COL2A1: variants seen among roughly 807,000 people sequenced by gnomAD.
COL2A1 encodes the protein collagen alpha-1(II) chain.
In COL2A1, 28 loss-of-function variants were observed where a neutral mutation model predicts 204.5. The ratio of observed to expected loss-of-function variants is 0.14; its 90% confidence interval spans 0.10 to 0.19. The LOEUF (loss-of-function observed/expected upper bound fraction) is 0.19. Among genes scored for constraint, COL2A1 ranks in the 10% least tolerant of loss-of-function variants. The pLI is 1.00. For synonymous variants in COL2A1, 708 were observed against 718.7 expected (o/e 0.99, Z 0.24); for missense variants, 1,388 against 2,027.5 (o/e 0.68, Z 6.06).
intron 25 of COL2A1, 51 bp from the exon 26 acceptor site, chr12:47,985,638 T>G (rs1316955843): frequency 2.5e-6 from 4 of 1,609,552 alleles, no homozygotes; most frequent in Non-Finnish European, 3.4e-6. Context: ...CCCCAGGACC[T>G]CCCAATCCTG....
intron 26 of COL2A1, 100 bp downstream of exon 26, chr12:47,985,434 G>A (rs1939339903): frequency 8.1e-7 from 1 of 1,230,228 alleles, no homozygotes; most frequent in Non-Finnish European, 1.2e-6. Context: ...AAAATTCACA[G>A]TACTTCAGGC....
intron 34 of COL2A1, 99 bp downstream of exon 34, chr12:47,982,403 C>T (rs1205441305): frequency 1.0e-5 from 11 of 1,057,332 alleles, no homozygotes; most frequent in Non-Finnish European, 1.5e-5. Flanking sequence ...TAACAGAAAC[C>T]TTCATCACCA....
chr12:47,982,874 C>T lies in COL2A1; in HGVS notation c.2167G>A (p.Gly723Ser), dbSNP rs1939173389. The change falls in exon 33 of 54, where the codon GGC becomes AGC. Residue 723 changes from glycine to serine, a missense_variant. By Grantham distance (56) the Gly-to-Ser change is moderately conservative. Transcript: ENST00000380518. ...QGLQGPRGLP[G>S]TPGTDGPKGA... is the part of the protein sequence containing the mutation. ...TTGGGACCATCAGTGCCAGGAGTGC[C>T]GGGGAGGCCACGGGGACCCTGGAGG... is the stretch of plus-strand genomic sequence containing the variant. 3 of 1,612,448 alleles carry T rather than the reference C, an allele frequency of 1.9e-6. No individual in the cohort carries two copies. Among genetic ancestry groups the T allele is most frequent in the Non-Finnish European group, 2.5e-6 (3 of 1,179,864 alleles).
Position 47,975,001 on chromosome 12 carries a change from G to C in COL2A1, c.3887-139C>G, listed in dbSNP as rs890604831. 20 of 910,888 alleles carry C rather than the reference G, an allele frequency of 2.2e-5. No individual in the cohort carries two copies. The African/African-American group carries it at 2.7e-4, about 12-fold the overall frequency. 56.4% of individuals were successfully genotyped at this position (910,888 alleles called of 1,614,324 possible). On this transcript the variant is annotated intron_variant, in intron 51 of 53. Coordinates refer to ENST00000380518, the MANE Select transcript of COL2A1 (RefSeq NM_001844.5). ...GGTTCACATGTGGCCTGAAAGGAGG[G>C]GGACCTGGGAGGATGCAGGGGCAGG...
At chr12:47,984,449 G>T in intron 28 of COL2A1, 97 bp downstream of exon 28, 2 of 1,259,744 alleles carry the variant, frequency 1.6e-6, no homozygotes, top group Non-Finnish European at 2.3e-6. Flanking sequence ...TCAATACTGA[G>T]GGGTCCCGGG....
rs1938699166 is a variant in COL2A1, at chr12:47,976,209, A to C, written c.3490-139T>G. The C allele has an allele frequency of 2.7e-6, 2 of 754,172 alleles. No homozygotes were observed. The highest frequency in any genetic ancestry group is 4.8e-6 in the Non-Finnish European group (2 of 415,818). The allele number at this position is 754,172 out of a possible 1,614,324, so 46.7% of individuals were successfully genotyped here. A position where few individuals can be genotyped will look rare whatever the true frequency, so the allele number is the denominator to read the frequency against. On this transcript the variant is annotated intron_variant, in intron 49 of 53. Transcript: ENST00000380518. This position sits in a 1 kb window ranked among gnomAD's most constrained non-coding sequence, Gnocchi z 4.3. ...TTCACATGCTCAGTCATGGAACCCT[A>C]AGTTGGTCTCTATTTGGCCAAGAAC...
Position 47,974,317 on chromosome 12 carries a change from A to G in COL2A1, c.4089T>C (p.Asp1363=), listed in dbSNP as rs754647680. The change falls in exon 53 of 54, where the codon GAT becomes GAC. Residue 1363 remains aspartate (D), a synonymous_variant. Transcript: ENST00000380518. ...INGGFHFSYG[D]DNLAPNTANV... Reference sequence around the variant, plus strand: ...TGGCAGTGTTGGGAGCCAGATTGTCATCTCCATAGCTGAACTGTTGGGGCA... The same window carrying G: ...TGGCAGTGTTGGGAGCCAGATTGTCGTCTCCATAGCTGAACTGTTGGGGCA... The G allele has an allele frequency of 6.2e-7, 1 of 1,614,064 alleles. No individual in the cohort carries two copies. The highest frequency in any genetic ancestry group is 1.3e-5 in the African/African-American group (1 of 75,046).
intron 14 of COL2A1, 102 bp from the exon 15 acceptor site, chr12:47,993,604 T>C (rs1939809184): frequency 3.4e-6 from 4 of 1,176,642 alleles, no homozygotes; most frequent in Non-Finnish European, 5.1e-6. Context: ...CAGCTCGCAC[T>C]GACACAAACT....
Position 47,998,175 on chromosome 12 carries a change from G to C in COL2A1, c.336C>G (p.Ile112Met). The change falls in exon 4 of 54, where the codon ATC becomes ATG. Residue 112 changes from isoleucine (I) to methionine (M), a missense_variant. Physicochemically the swap from Ile to Met is conservative, Grantham distance 10 (BLOSUM62 1). Transcript: ENST00000380518. ...GAGAATAATTTGCACTTACATCCTT[G>C]ATGTCTCCAGGTTCTCCTTTCTGTC... ...PKGQKGEPGD[I>M]KDIVGPKGPP... The C allele has an allele frequency of 6.2e-7, 1 of 1,614,162 alleles. No individual in the cohort carries two copies. The highest frequency in any genetic ancestry group is 8.5e-7 in the Non-Finnish European group (1 of 1,180,024).
rs192120085 is a variant in COL2A1, at chr12:47,975,735, G to A, written c.3598-130C>T. The A allele has an allele frequency of 4.2e-4, 421 of 1,004,238 alleles. 3 individuals are homozygous for A. The African/African-American group carries it at 6.1e-3, about 15-fold the overall frequency. The allele number at this position is 1,004,238 out of a possible 1,614,324, so 62.2% of individuals were successfully genotyped here. A position where few individuals can be genotyped will look rare whatever the true frequency, so the allele number is the denominator to read the frequency against. On this transcript the variant is annotated intron_variant, in intron 50 of 53. Coordinates refer to ENST00000380518, the MANE Select transcript of COL2A1 (RefSeq NM_001844.5). ...TGGGTGGGGCGGAGGTGTAGCAGGCGAGGACCAAGGAAACCACAGCACCAT... is the reference window on the plus strand; with the variant it reads ...TGGGTGGGGCGGAGGTGTAGCAGGCAAGGACCAAGGAAACCACAGCACCAT...
chr12:47,973,645 A>G lies in COL2A1; in HGVS notation c.4318-92T>C, dbSNP rs7310398. ...AAGCCCAAAACTGAACAAACTGGCG[A>G]GCATCAGAGCCCACAAGGTTGAACC... On this transcript the variant is annotated intron_variant, in intron 53 of 53. Transcript: ENST00000380518. 7 of 1,481,880 alleles carry G rather than the reference A, an allele frequency of 4.7e-6. No homozygotes were observed. The African/African-American group carries it at 9.7e-5, about 21-fold the overall frequency. 91.8% of individuals were successfully genotyped at this position (1,481,880 alleles called of 1,614,324 possible).
Position 47,980,150 on chromosome 12 carries a change from G to A in COL2A1, c.2626-88C>T, listed in dbSNP as rs1644768900. 1.4e-5 allele frequency: 17 copies of A among 1,242,450 alleles called. No individual in the cohort carries two copies. The highest frequency in any genetic ancestry group is 1.8e-5 in the Non-Finnish European group (16 of 867,396). The allele number at this position is 1,242,450 out of a possible 1,614,324, so 77.0% of individuals were successfully genotyped here. A position where few individuals can be genotyped will look rare whatever the true frequency, so the allele number is the denominator to read the frequency against. On this transcript the variant is annotated intron_variant, in intron 39 of 53. Transcript: ENST00000380518. The surrounding 1 kb of genome is among the most constrained non-coding windows in gnomAD (Gnocchi z 4.5). ...TGAGCCCCAACAATGGACCCCTGAG[G>A]TTTTCGAAGATGCAGCTTTCTTGGC...
In COL2A1 at chr12:47,995,770, A is replaced by G. The variant is rs1349869225; in HGVS notation, c.655-7T>C. 3.1e-6 allele frequency: 5 copies of G among 1,614,116 alleles called. No homozygotes were observed. The highest frequency in any genetic ancestry group is 1.1e-5 in the South Asian group (1 of 91,078). On this transcript the variant is annotated splice_region_variant and splice_polypyrimidine_tract_variant and intron_variant, in intron 9 of 53. Coordinates refer to ENST00000380518, the MANE Select transcript of COL2A1 (RefSeq NM_001844.5). ...CTTGAAATCCTTGAGGCCCCTAAAA[A>G]GTAAAATGAGGATACCAGGTCAATC...
At chr12:48,000,521 A>G (rs148938747) in intron 1 of COL2A1, among the ~76,000 whole-genome samples, 31 of 152,258 alleles carry the variant, frequency 2.0e-4, no homozygotes, top group African/African-American at 6.3e-4. Flanking sequence ...CTGGGACTAT[A>G]AAAAGAAAGG....
At chr12:47,997,842 A>T in intron 6 of COL2A1, 29 bp downstream of exon 6, 1 of 1,613,982 alleles carries the variant, frequency 6.2e-7, no homozygotes. Context: ...GAAGTCCACC[A>T]GGGTCAAGCA....
At chr12:48,001,507 C>G (rs570221101) in intron 1 of COL2A1, among the ~76,000 whole-genome samples, 1 of 151,860 alleles carries the variant, frequency 6.6e-6, no homozygotes, top group Non-Finnish European at 1.5e-5. Flanking sequence ...GCGCTCCAGC[C>G]CAGACTACAG....
Position 47,994,406 on chromosome 12 carries a change from G to C in COL2A1, c.816+18C>G. The C allele has an allele frequency of 8.1e-6, 13 of 1,613,998 alleles. No individual in the cohort carries two copies. The highest frequency in any genetic ancestry group is 1.1e-5 in the Non-Finnish European group (13 of 1,179,926). On this transcript the variant is annotated intron_variant, in intron 12 of 53. Coordinates refer to ENST00000380518, the MANE Select transcript of COL2A1 (RefSeq NM_001844.5). ...GACGCTAGGAAAGATGCCTGAGGCT[G>C]GGAACGGTGGCGTTTACCTGAGGAC...
intron 17 of COL2A1, 103 bp downstream of exon 17, chr12:47,989,658 T>C (rs1939607313): frequency 1.5e-5 from 14 of 944,396 alleles, no homozygotes; most frequent in Non-Finnish European, 2.1e-5. Context: ...GACATCAGAG[T>C]GCTGCTGTGG....
In COL2A1 at chr12:47,976,986, C is replaced by T. The variant is rs1465907377; in HGVS notation, c.3328-67G>A. The stretch of plus-strand genomic sequence containing the variant: ...GGACAGGAGCCCCCTCCTGTCCCAC[C>T]CAAGCTGAGGAATCCCCGGAAACAC... On this transcript the variant is annotated intron_variant, in intron 47 of 53. Transcript: ENST00000380518. The surrounding 1 kb of genome is among the most constrained non-coding windows in gnomAD (Gnocchi z 4.3). 6.5e-7 allele frequency: 1 copy of T among 1,538,032 alleles called. No homozygotes were observed. The highest frequency in any genetic ancestry group is 1.4e-5 in the African/African-American group (1 of 73,606).
Sources: allele counts gnomAD v4.1 joint callset (sites outside exome capture counted in the v4.1 genomes callset), GRCh38; gene constraint gnomAD v4.1.1; non-coding constraint Gnocchi (gnomAD v3.1); transcripts MANE v1.5; gene names NCBI Gene and HGNC (gene_info 2026-07-23, HGNC 2026-07-21).